Variants in ZNF616 observed in about 807,000 individuals in gnomAD.
ZNF616 encodes zinc finger protein 616.
Under a neutral mutation model 7.6 loss-of-function variants are expected in ZNF616, and 5 were observed. The ratio of observed to expected loss-of-function variants is 0.66; its 90% CI spans 0.34 to 1.38. The LOEUF is 1.38. ZNF616 is among the 40% of genes most tolerant of loss of function. ZNF616 has a pLI of 0.04. For missense variants in ZNF616, 913 were observed against 948.3 expected (o/e 0.96, Z 0.49); for synonymous variants, 319 against 317.2 (o/e 1.01, Z -0.06).
At chr19:52,136,496 A>G (rs1453254970) in intron 1 of ZNF616, among the ~76,000 whole-genome samples, 1 of 152,088 alleles carries the variant, frequency 6.6e-6, no homozygotes, top group Non-Finnish European at 1.5e-5. Flanking sequence ...AAGGTACTCA[A>G]GATCGCTAAT....
At chr19:52,123,067 A>G (rs2088876699) in intron 3 of ZNF616, among the ~76,000 whole-genome samples, 1 of 152,232 alleles carries the variant, frequency 6.6e-6, no homozygotes, top group Non-Finnish European at 1.5e-5. Context: ...TACCATCTGT[A>G]CTAAAGAAAG....
chr19:52,136,155 CA>C (rs369364240), intron 1 of ZNF616, among the ~76,000 whole-genome samples: 64 of 110,204 alleles, frequency 5.8e-4, no homozygotes, highest in African/African-American at 2.3e-3. Context: ...GGGGGGGGGA[CA>C]GGGGGCAAAG....
At chr19:52,130,885 C>T (rs953180115) in intron 1 of ZNF616, among the ~76,000 whole-genome samples, 1 of 152,208 alleles carries the variant, frequency 6.6e-6, no homozygotes, top group African/African-American at 2.4e-5. Context: ...CAGCGCACAG[C>T]CCCCCGTCAC....
chr19:52,117,967 G>A (rs1779165370), intron 3 of ZNF616, among the ~76,000 whole-genome samples: 3 of 152,048 alleles, frequency 2.0e-5, no homozygotes, highest in Admixed American at 2.0e-4. Flanking sequence ...TCTTGAGACA[G>A]AGTCTCACTC....
intron 1 of ZNF616, among the ~76,000 whole-genome samples, chr19:52,134,750 C>T (rs1388991652): frequency 2.6e-5 from 4 of 152,158 alleles, no homozygotes; most frequent in African/African-American, 9.7e-5. Context: ...TTTTCCTTTA[C>T]ACCCTGCAAT....
intron 2 of ZNF616, among the ~76,000 whole-genome samples, chr19:52,124,766 T>C (rs1336879101): frequency 6.6e-6 from 1 of 152,134 alleles, no homozygotes; most frequent in Non-Finnish European, 1.5e-5. Context: ...TAAAAATATA[T>C]TTCTCATAAT....
At chr19:52,128,463 C>G (rs1191508154) in intron 2 of ZNF616, among the ~76,000 whole-genome samples, 1 of 152,152 alleles carries the variant, frequency 6.6e-6, no homozygotes, top group Non-Finnish European at 1.5e-5. Context: ...AAAACTAAAG[C>G]TGGGCACGGT....
Position 52,114,731 on chromosome 19 carries a change from C to A in ZNF616, c.*87G>T, listed in dbSNP as rs2088799582. On this transcript the variant is annotated 3_prime_UTR_variant, in exon 4 of 4. Transcript: ENST00000600228. ...ACCTCCAATACTGGAGATTACAATTCCACAGGGATTTCAAGAGAAGGGGTA... is the reference window on the plus strand; with the variant it reads ...ACCTCCAATACTGGAGATTACAATTACACAGGGATTTCAAGAGAAGGGGTA... 6.9e-7 allele frequency: 1 copy of A among 1,454,486 alleles called. No individual in the cohort carries two copies. The highest frequency in any genetic ancestry group is 9.2e-7 in the Non-Finnish European group (1 of 1,086,738). The allele number at this position is 1,454,486 out of a possible 1,614,324, so 90.1% of individuals were successfully genotyped here. A position where few individuals can be genotyped will look rare whatever the true frequency, so the allele number is the denominator to read the frequency against.
chr19:52,117,942 T>C (rs2088839376), intron 3 of ZNF616, among the ~76,000 whole-genome samples: 1 of 150,962 alleles, frequency 6.6e-6, no homozygotes, highest in South Asian at 2.1e-4. Flanking sequence ...CAACTCCCTA[T>C]CTATTGTCAT....
chr19:52,116,489 G>C lies in ZNF616; in HGVS notation c.675C>G (p.Ala225=). ...CTACCTTGTGTACAGTTAGTAGTGA[G>C]GCCCGATGAAAGGCTTTGCCACACT... ...CNECGKAFHR[A]SLLTVHKVVH... is the part of the protein sequence containing the mutation. The change falls in exon 4 of 4, where the codon GCC becomes GCG. Residue 225 remains alanine (A), a synonymous_variant. Coordinates refer to ENST00000600228, the MANE Select transcript of ZNF616 (RefSeq NM_178523.5). 6.2e-7 allele frequency: 1 copy of C among 1,613,992 alleles called. No homozygotes were observed. The highest frequency in any genetic ancestry group is 2.2e-5 in the East Asian group (1 of 44,858).
At chr19:52,125,503 T>C (rs2088898246) in intron 2 of ZNF616, among the ~76,000 whole-genome samples, 1 of 152,250 alleles carries the variant, frequency 6.6e-6, no homozygotes, top group Non-Finnish European at 1.5e-5. Flanking sequence ...TTTGACTCTA[T>C]GTCCCACCTT....
chr19:52,136,142 A>G (rs1349662909), intron 1 of ZNF616, among the ~76,000 whole-genome samples: 52 of 64,662 alleles, frequency 8.0e-4, no homozygotes, highest in African/African-American at 2.8e-3. Flanking sequence ...AAAAAAAAAA[A>G]GCGGGGGGGG....
chr19:52,113,096 TG>T lies in ZNF616; in HGVS notation c.*1721del, dbSNP rs756775206. 5.9e-5 allele frequency: 9 copies of T among 152,142 alleles called. No homozygotes were observed. The highest frequency in any genetic ancestry group is 1.0e-4 in the Non-Finnish European group (7 of 68,024). 9.4% of individuals were successfully genotyped at this position (152,142 alleles called of 1,614,324 possible). A position where few individuals can be genotyped will look rare whatever the true frequency, so the allele number is the denominator to read the frequency against. ...AAAAAAACAGAAACCTCAAATTTAA[TG>T]TAATATTTTATAAACTGAATGAGCC... On this transcript the variant is annotated 3_prime_UTR_variant, in exon 4 of 4. Coordinates refer to ENST00000600228, the MANE Select transcript of ZNF616 (RefSeq NM_178523.5).
chr19:52,126,138 G>A (rs1302481655), intron 2 of ZNF616, among the ~76,000 whole-genome samples: 2 of 152,144 alleles, frequency 1.3e-5, no homozygotes, highest in African/African-American at 2.4e-5. Context: ...AACATACAAA[G>A]AAACAGGGAA....
chr19:52,116,577 G>A lies in ZNF616; in HGVS notation c.587C>T (p.Ala196Val), dbSNP rs892904886. 4.3e-6 allele frequency: 7 copies of A among 1,613,782 alleles called. No individual in the cohort carries two copies. The highest frequency in any genetic ancestry group is 2.7e-5 in the African/African-American group (2 of 74,870). ...CTGATGATTAATAAGGCTGGAAGACGCTTTAAAGGCTTTGCCACATTCATT... is the reference window on the plus strand; with the variant it reads ...CTGATGATTAATAAGGCTGGAAGACACTTTAAAGGCTTTGCCACATTCATT... ...VCNECGKAFK[A>V]SSSLINHQRI... Residue 196 changes from alanine (A) to valine (V), a missense_variant, in exon 4 of 4, where the codon GCG becomes GTG. By Grantham distance (64) the Ala-to-Val change is moderately conservative (BLOSUM62 0). Transcript: ENST00000600228.
rs904862473 is a variant in ZNF616, at chr19:52,113,776, T to C, written c.*1042A>G. 6.6e-6 allele frequency: 1 copy of C among 152,218 alleles called. No individual in the cohort carries two copies. Among genetic ancestry groups the C allele is most frequent in the South Asian group, 2.1e-4 (1 of 4,828 alleles). The allele number at this position is 152,218 out of a possible 1,614,324, so 9.4% of individuals were successfully genotyped here. A position where few individuals can be genotyped will look rare whatever the true frequency, so the allele number is the denominator to read the frequency against. On this transcript the variant is annotated 3_prime_UTR_variant, in exon 4 of 4. Coordinates refer to ENST00000600228, the MANE Select transcript of ZNF616 (RefSeq NM_178523.5). ...TGGCTTCCAGCTCCATCCACATCGC[T>C]GCAATGGACATGATCTCATTCCTTT...
intron 2 of ZNF616, among the ~76,000 whole-genome samples, chr19:52,130,298 A>G (rs2088946451): frequency 6.6e-6 from 1 of 152,070 alleles, no homozygotes; most frequent in Non-Finnish European, 1.5e-5. Context: ...TCCCAAGTTC[A>G]TGTCACTGGA....
chr19:52,130,248 G>A (rs1170022344), intron 2 of ZNF616, among the ~76,000 whole-genome samples: 2 of 152,050 alleles, frequency 1.3e-5, no homozygotes, highest in African/African-American at 2.4e-5. Context: ...TCCATGTCTG[G>A]GTGTGAGCCC....
At position 52,139,712 on chromosome 19, in the gene ZNF616, G is replaced by A. The variant is rs552266606; in HGVS notation, c.-77+20C>T. 6.6e-6 allele frequency: 1 copy of A among 152,518 alleles called. No individual in the cohort carries two copies. The highest frequency in any genetic ancestry group is 2.1e-4 in the South Asian group (1 of 4,840). The allele number at this position is 152,518 out of a possible 1,614,324, so 9.4% of individuals were successfully genotyped here. Reference sequence around the variant, plus strand: ...CTGAGAGAGATTTTAAACCGACAGGGAAGCAATTCTCGGACTTACGTGGGG... The same window carrying A: ...CTGAGAGAGATTTTAAACCGACAGGAAAGCAATTCTCGGACTTACGTGGGG... On this transcript the variant is annotated intron_variant, in intron 1 of 3. Transcript: ENST00000600228. This position sits in a 1 kb window ranked among gnomAD's most constrained non-coding sequence, Gnocchi z 4.1.
Sources: gnomAD v4.1 joint callset for allele counts (sites outside exome capture counted in the v4.1 genomes callset) on GRCh38, gnomAD v4.1.1 for gene constraint, Gnocchi (gnomAD v3.1) non-coding constraint, MANE v1.5 for transcripts, NCBI Gene and HGNC (gene_info 2026-07-23, HGNC 2026-07-21) for gene names.